RYR1: variants seen among roughly 807,000 people sequenced by gnomAD.
RYR1 encodes the protein ryanodine receptor 1.
Under a neutral mutation model 583.5 loss-of-function variants are expected in RYR1, and 342 were observed. The observed-to-expected ratio is 0.59, with a 90% CI of 0.54 to 0.64. The LOEUF is 0.64. RYR1 is among the 30% of genes least tolerant of loss of function. The pLI, the probability that RYR1 is intolerant of heterozygous loss-of-function variation, is 0.00. For synonymous variants in RYR1, 2,791 were observed against 2,822.5 expected, an observed-to-expected ratio of 0.99 and a Z score of 0.35; for missense variants, 6,032 against 6,917.2, an observed-to-expected ratio of 0.87 and a Z score of 4.54.
chr19:38,460,457 C>A lies in RYR1; in HGVS notation c.2443C>A (p.Leu815Ile). The A allele has an allele frequency of 6.2e-7, 1 of 1,614,252 alleles. No individual in the cohort carries two copies. Among genetic ancestry groups the A allele is most frequent in the Non-Finnish European group, 8.5e-7 (1 of 1,180,032 alleles). The change falls in exon 20 of 106, where the codon CTC (leucine) becomes ATC (isoleucine). Residue 815 changes from leucine to isoleucine, a missense_variant. Leu to Ile is a conservative substitution (Grantham distance 5). This residue lies in a region of RYR1 where 2,627 missense variants were observed against 2,961.3 expected (regional missense o/e 0.89). Transcript: ENST00000359596. ...PGYAPCHEAVLPRERLHLEPI... is the reference protein window; with the variant it reads ...PGYAPCHEAVIPRERLHLEPI... Reference sequence around the variant, plus strand: ...CTATGCTCCATGCCATGAGGCTGTGCTCCCTCGAGAGCGACTCCATCTTGA... The same window carrying A: ...CTATGCTCCATGCCATGAGGCTGTGATCCCTCGAGAGCGACTCCATCTTGA...
intron 78 of RYR1, among the ~76,000 whole-genome samples, chr19:38,533,262 A>G (rs1264000344): frequency 1.3e-5 from 2 of 152,328 alleles, no homozygotes; most frequent in East Asian, 3.9e-4. Context: ...GCTAGTAAAC[A>G]TGCAATTCAC....
chr19:38,500,924 C>T lies in RYR1; in HGVS notation c.7548C>T (p.Asp2516=). 1 of 1,614,100 alleles carries T rather than the reference C, an allele frequency of 6.2e-7. No homozygotes were observed. The highest frequency in any genetic ancestry group is 1.1e-5 in the South Asian group (1 of 91,084). The change falls in exon 47 of 106, where the codon GAC becomes GAT. Residue 2516 remains aspartate, a synonymous_variant. Transcript: ENST00000359596. The surrounding 1 kb of genome is among the most constrained non-coding windows in gnomAD (Gnocchi z 5.9). ...LDRVYGIENQ[D]FLLHVLDVGF... Reference sequence around the variant, plus strand: ...GTGTGTATGGCATCGAGAACCAGGACTTCTTGCTGCACGTGCTGGACGTGG... The same window carrying T: ...GTGTGTATGGCATCGAGAACCAGGATTTCTTGCTGCACGTGCTGGACGTGG...
At chr19:38,450,966 T>A (rs1967045595) in intron 11 of RYR1, among the ~76,000 whole-genome samples, 1 of 152,192 alleles carries the variant, frequency 6.6e-6, no homozygotes, top group African/African-American at 2.4e-5. Flanking sequence ...TGCCGAGGAC[T>A]CTGTTGCCCT....
chr19:38,498,690 G>A (rs1327416581), intron 42 of RYR1, among the ~76,000 whole-genome samples: 1 of 152,170 alleles, frequency 6.6e-6, no homozygotes, highest in African/African-American at 2.4e-5. Flanking sequence ...GTAACTTTCT[G>A]ATATTGCCAT....
intron 35 of RYR1, 110 bp from the exon 36 acceptor site, chr19:38,489,965 TG>T: frequency 9.1e-7 from 1 of 1,095,606 alleles, no homozygotes; most frequent in Non-Finnish European, 1.4e-6. Context: ...GAAATGATTT[TG>T]GCTGGACCTG....
intron 17 of RYR1, 122 bp downstream of exon 17, chr19:38,457,752 C>A: frequency 9.6e-7 from 1 of 1,037,906 alleles, no homozygotes. Flanking sequence ...AACAACCAGT[C>A]CTCACAGATG....
At position 38,565,185 on chromosome 19, in the gene RYR1, G is replaced by GCACGGCGGCCACGGCGGC. The variant is rs398123469; in HGVS notation, c.12852_12869dup (p.Thr4285_Ala4290dup). The GCACGGCGGCCACGGCGGC allele has an allele frequency of 1.8e-6, 2 of 1,117,954 alleles. No individual in the cohort carries two copies. The highest frequency in any genetic ancestry group is 1.7e-5 in the African/African-American group (1 of 59,992). 69.3% of individuals were successfully genotyped at this position (1,117,954 alleles called of 1,614,324 possible). On this transcript the variant is annotated inframe_insertion, in exon 91 of 106. Coordinates refer to ENST00000359596, the MANE Select transcript of RYR1 (RefSeq NM_000540.3). The surrounding 1 kb of genome is among the most constrained non-coding windows in gnomAD (Gnocchi z 4.7). ...GAGGAGGGCGCGGCGGGGCTCGAGGGCACGGCGGCCACGGCGGCGGCGGGG... is the reference window on the plus strand; with the variant it reads ...GAGGAGGGCGCGGCGGGGCTCGAGGGCACGGCGGCCACGGCGGCCACGGCGGCCACGGCGGCGGCGGGG...
At chr19:38,548,177 G>A in intron 88 of RYR1, 56 bp from the exon 89 acceptor site, 1 of 1,603,166 alleles carries the variant, frequency 6.2e-7, no homozygotes, top group Non-Finnish European at 8.5e-7. Context: ...AGGCAAGCCT[G>A]GTGGGGCCCC....
Position 38,500,775 on chromosome 19 carries a change from G to C in RYR1, c.7445-46G>C, listed in dbSNP as rs760060180. ...GAAGGAGTGATGCTGGGGAGGGAGC[G>C]GCTGGGTCCGCAGGGCATCCCCGAA... On this transcript the variant is annotated intron_variant, in intron 46 of 105. Transcript: ENST00000359596. This position sits in a 1 kb window ranked among gnomAD's most constrained non-coding sequence, Gnocchi z 5.9. 1 of 1,613,980 alleles carries C rather than the reference G, an allele frequency of 6.2e-7. No homozygotes were observed.
In RYR1 at chr19:38,510,229, G is replaced by A. The variant is rs80203847; in HGVS notation, c.8933-269G>A. Among the ~76,000 whole-genome samples the A allele has an allele frequency of 0.12, 18,954 of 152,078 alleles. 1,398 individuals carry two copies. The highest frequency in any genetic ancestry group is 0.3 in the East Asian group (1,560 of 5,152). Reference sequence around the variant, plus strand: ...CCAGCTACTTGGGAGGCTGAGTCAGGAGAATCGCTTGAACTCAGGAGGCAG... The same window carrying A: ...CCAGCTACTTGGGAGGCTGAGTCAGAAGAATCGCTTGAACTCAGGAGGCAG... On this transcript the variant is annotated intron_variant, in intron 58 of 105. Transcript: ENST00000359596.
In RYR1 at chr19:38,561,056, A is replaced by G. The variant is rs537143219; in HGVS notation, c.12283-57A>G. The G allele has an allele frequency of 8.6e-4, 1,209 of 1,404,374 alleles. 1 individual carries two copies. Among genetic ancestry groups the G allele is most frequent in the South Asian group, 3.2e-3 (258 of 79,800 alleles). The allele number at this position is 1,404,374 out of a possible 1,614,324, so 87.0% of individuals were successfully genotyped here. ...ACCTTGTCTTAAAAAAAAAAAAAAA[A>G]AGAGAGAGAATTGAGGCTCTCCAGG... On this transcript the variant is annotated intron_variant, in intron 89 of 105. Transcript: ENST00000359596. This position sits in a 1 kb window ranked among gnomAD's most constrained non-coding sequence, Gnocchi z 4.8.
chr19:38,450,102 C>T (rs1039255790), intron 11 of RYR1, among the ~76,000 whole-genome samples: 5 of 152,072 alleles, frequency 3.3e-5, no homozygotes, highest in East Asian at 1.9e-4. Context: ...AGTGACCTGA[C>T]GCAGGATCAC....
At chr19:38,492,658 G>GT in intron 38 of RYR1, 22 bp downstream of exon 38, 1 of 1,454,764 alleles carries the variant, frequency 6.9e-7, no homozygotes. Flanking sequence ...GGTCACTGGG[G>GT]AGAGGGCAGG....
intron 102 of RYR1, 122 bp downstream of exon 102, chr19:38,585,221 C>G: frequency 8.0e-7 from 1 of 1,249,464 alleles, no homozygotes; most frequent in East Asian, 2.6e-5. Flanking sequence ...TACTGTGAGA[C>G]CTTGGGCAAG....
At chr19:38,554,128 A>G (rs181434669) in intron 89 of RYR1, among the ~76,000 whole-genome samples, 1 of 148,374 alleles carries the variant, frequency 6.7e-6, no homozygotes, top group Non-Finnish European at 1.5e-5. Context: ...GTTCCAGCAG[A>G]TGGAGGGAAA....
chr19:38,570,780 C>G, intron 94 of RYR1, 87 bp downstream of exon 94: 1 of 1,155,830 alleles, frequency 8.7e-7, no homozygotes, highest in Non-Finnish European at 1.3e-6. Context: ...TTCAGGGTTC[C>G]TCCACTGAAG....
Position 38,455,249 on chromosome 19 carries a change from G to C in RYR1, c.1455G>C (p.Met485Ile), listed in dbSNP as rs1478214859. 1.2e-6 allele frequency: 2 copies of C among 1,614,096 alleles called. No homozygotes were observed. The highest frequency in any genetic ancestry group is 2.2e-5 in the South Asian group (2 of 91,066). ...SLFQEEGMLS[M>I]VLNCIDRLNV... ...CCTCATCCTAGGGGATGCTCTCCAT[G>C]GTCCTGAATTGCATAGACCGCCTAA... Residue 485 changes from methionine to isoleucine, a missense_variant, in exon 14 of 106, where the codon ATG (methionine) becomes ATC (isoleucine). By Grantham distance (10) the Met-to-Ile change is conservative. Coordinates refer to ENST00000359596, the MANE Select transcript of RYR1 (RefSeq NM_000540.3).
chr19:38,525,213 A>G, intron 70 of RYR1, 119 bp from the exon 71 acceptor site: 1 of 1,160,140 alleles, frequency 8.6e-7, no homozygotes, highest in South Asian at 1.2e-5. Context: ...TGTCGTCGGC[A>G]GTTGGGGAGG....
chr19:38,449,763 G>A (rs1450786566), intron 11 of RYR1, among the ~76,000 whole-genome samples: 5 of 152,230 alleles, frequency 3.3e-5, no homozygotes, highest in Non-Finnish European at 7.3e-5. Flanking sequence ...TTGGCTTGTT[G>A]CAGTAGCAGA....
Sources: gnomAD v4.1 joint callset for allele counts (sites outside exome capture counted in the v4.1 genomes callset) on GRCh38, gnomAD v4.1.1 for gene constraint, gnomAD v4.1.1 regional missense constraint, Gnocchi (gnomAD v3.1) non-coding constraint, MANE v1.5 for transcripts, NCBI Gene and HGNC (gene_info 2026-07-23, HGNC 2026-07-21) for gene names.